PPP2R3A: variants seen among roughly 807,000 people sequenced by gnomAD.
PPP2R3A encodes protein phosphatase 2 regulatory subunit B''alpha, also known as serine/threonine-protein phosphatase 2A regulatory subunit B'' subunit alpha.
A neutral mutation model predicts 106.9 loss-of-function variants in PPP2R3A; 80 were observed. That is an observed-to-expected ratio of 0.75 (90% CI 0.62 to 0.90). The LOEUF (loss-of-function observed/expected upper bound fraction) is 0.90, where lower values mean the gene tolerates loss of function less well. Ranked by LOEUF, PPP2R3A falls within the 40% of genes least tolerant of loss-of-function variation. The pLI, the probability that PPP2R3A is intolerant of heterozygous loss-of-function variation, is 0.00. For missense variants in PPP2R3A, 1,386 were observed against 1,350.4 expected (o/e 1.03, Z -0.41); for synonymous variants, 483 against 468.3 (o/e 1.03, Z -0.41).
chr3:135,977,668 G>A (rs1474495548), intron 1 of PPP2R3A, among the ~76,000 whole-genome samples: 1 of 138,722 alleles, frequency 7.2e-6, no homozygotes, highest in Non-Finnish European at 1.5e-5. Context: ...TACATAAGTT[G>A]CATTCATCTG....
At chr3:135,990,376 A>C (rs1933108268) in intron 1 of PPP2R3A, among the ~76,000 whole-genome samples, 1 of 152,170 alleles carries the variant, frequency 6.6e-6, no homozygotes, top group East Asian at 1.9e-4. Flanking sequence ...AATTGTCACT[A>C]GAATGTGATC....
chr3:135,974,751 A>C (rs79457741), intron 1 of PPP2R3A, among the ~76,000 whole-genome samples: 1,653 of 152,328 alleles, frequency 0.011, 24 homozygotes, highest in African/African-American at 0.033. Context: ...CACTAAGGCT[A>C]TCCCCTTCCT....
intron 13 of PPP2R3A, among the ~76,000 whole-genome samples, chr3:136,137,534 ATTTTTTTTTT>A (rs59086929): frequency 2.5e-4 from 10 of 40,528 alleles, no homozygotes; most frequent in Admixed American, 4.2e-4. Context: ...TCTGTCAGAG[ATTTTTTTTTT>A]TTTTTTTTTT....
At chr3:136,065,577 A>G (rs1936240098) in intron 5 of PPP2R3A, among the ~76,000 whole-genome samples, 1 of 152,230 alleles carries the variant, frequency 6.6e-6, no homozygotes, top group African/African-American at 2.4e-5. Context: ...ATAAAAAACC[A>G]ATAGCACTTT....
intron 5 of PPP2R3A, chr3:136,055,545 C>G (rs112998910): frequency 3.0e-6 from 4 of 1,339,326 alleles, no homozygotes; most frequent in African/African-American, 2.9e-5. Flanking sequence ...ATTCACTGAC[C>G]ATGCTGCTCA....
Position 135,991,516 on chromosome 3 carries a change from C to G in PPP2R3A, c.-440-9543C>G, listed in dbSNP as rs533533003. On this transcript the variant is annotated intron_variant, in intron 1 of 13. Coordinates refer to ENST00000264977, the MANE Select transcript of PPP2R3A (RefSeq NM_002718.5). The stretch of plus-strand genomic sequence containing the variant: ...AAATATTCCTTTTGGAGATAGTTCT[C>G]AGAGAAAGCAGTAGCTTTGCAGATT... 1.0e-3 allele frequency among the ~76,000 whole-genome samples: 148 copies of G among 145,978 alleles called. 1 individual carries two copies. Among genetic ancestry groups the G allele is most frequent in the African/African-American group, 3.9e-3 (140 of 35,772 alleles).
chr3:136,032,477 C>A (rs1173488255), intron 3 of PPP2R3A, among the ~76,000 whole-genome samples: 2 of 151,188 alleles, frequency 1.3e-5, no homozygotes, highest in African/African-American at 2.4e-5. Flanking sequence ...CATCAGCAAA[C>A]AGCGAGAATT....
intron 5 of PPP2R3A, among the ~76,000 whole-genome samples, chr3:136,059,291 A>G (rs1277045958): frequency 6.8e-6 from 1 of 147,420 alleles, no homozygotes; most frequent in African/African-American, 2.6e-5. Context: ...AATTTACAAG[A>G]AAAAAAAACA....
At chr3:136,122,111 A>G (rs1938017504) in intron 13 of PPP2R3A, among the ~76,000 whole-genome samples, 1 of 152,210 alleles carries the variant, frequency 6.6e-6, no homozygotes, top group Non-Finnish European at 1.5e-5. Context: ...AGAAATTTGT[A>G]GCCTGTATAC....
intron 2 of PPP2R3A, among the ~76,000 whole-genome samples, chr3:136,018,115 A>C (rs1256622913): frequency 6.6e-6 from 1 of 152,134 alleles, no homozygotes; most frequent in Non-Finnish European, 1.5e-5. Context: ...AAAAATACAA[A>C]AATTAGCTGG....
chr3:136,063,260 CA>C (rs1316093056), intron 5 of PPP2R3A, among the ~76,000 whole-genome samples: 1 of 152,036 alleles, frequency 6.6e-6, no homozygotes, highest in Non-Finnish European at 1.5e-5. Context: ...CACCTTATAC[CA>C]AAAATTAATT....
In PPP2R3A at chr3:136,018,848, C is replaced by T. The variant is rs1403765; in HGVS notation, c.1996-7984C>T. Among the ~76,000 whole-genome samples, 1,104 of 152,292 alleles carry T rather than the reference C, an allele frequency of 7.2e-3. 11 individuals are homozygous for T. Among genetic ancestry groups the T allele is most frequent in the African/African-American group, 0.026 (1,082 of 41,562 alleles). On this transcript the variant is annotated intron_variant, in intron 2 of 13. Transcript: ENST00000264977. ...GTAAAACTCATGCCCAGCAGCCTAT[C>T]CTACCCGGTTCTTTTTGAGAAAGAC...
intron 9 of PPP2R3A, among the ~76,000 whole-genome samples, chr3:136,089,806 A>G (rs544956323): frequency 6.6e-6 from 1 of 152,130 alleles, no homozygotes; most frequent in South Asian, 2.1e-4. Context: ...TCCTCCCTGT[A>G]GAGATTTTTC....
chr3:136,105,550 A>T (rs1350421267), intron 12 of PPP2R3A, among the ~76,000 whole-genome samples: 3 of 152,186 alleles, frequency 2.0e-5, no homozygotes, highest in Non-Finnish European at 4.4e-5. Flanking sequence ...TCAGCTACTC[A>T]GTAGGCTGAG....
intron 2 of PPP2R3A, among the ~76,000 whole-genome samples, chr3:136,021,701 A>G (rs1230622743): frequency 6.6e-6 from 1 of 152,168 alleles, no homozygotes; most frequent in Non-Finnish European, 1.5e-5. Context: ...TGAAATCTAA[A>G]TATAAAATGT....
intron 5 of PPP2R3A, among the ~76,000 whole-genome samples, chr3:136,069,789 A>G (rs1936370271): frequency 6.6e-6 from 1 of 152,188 alleles, no homozygotes; most frequent in Non-Finnish European, 1.5e-5. Context: ...TAATATTGTG[A>G]TTATCTCTAT....
At chr3:136,130,722 A>G (rs888384102) in intron 13 of PPP2R3A, among the ~76,000 whole-genome samples, 7 of 152,208 alleles carry the variant, frequency 4.6e-5, no homozygotes, top group Non-Finnish European at 7.4e-5. Context: ...AGCAAAAAGA[A>G]CAAAGCAGGA....
At chr3:135,990,021 T>C (rs1373240485) in intron 1 of PPP2R3A, among the ~76,000 whole-genome samples, 1 of 152,208 alleles carries the variant, frequency 6.6e-6, no homozygotes, top group Non-Finnish European at 1.5e-5. Context: ...GGTATCACTC[T>C]CACTTTTGTT....
intron 1 of PPP2R3A, among the ~76,000 whole-genome samples, chr3:135,975,862 CTGA>C (rs1937404769): frequency 6.6e-6 from 1 of 152,070 alleles, no homozygotes; most frequent in Non-Finnish European, 1.5e-5. Flanking sequence ...ATTAAAAGCA[CTGA>C]TAATATTGAA....
Sources: gnomAD v4.1 joint callset for allele counts (sites outside exome capture counted in the v4.1 genomes callset) on GRCh38, gnomAD v4.1.1 for gene constraint, MANE v1.5 for transcripts, NCBI Gene and HGNC (gene_info 2026-07-23, HGNC 2026-07-21) for gene names.